The following OSBP2 variants were observed in gnomAD, a reference collection of about 807,000 sequenced individuals.
OSBP2 encodes oxysterol-binding protein 2.
A neutral mutation model predicts 96.0 loss-of-function variants in OSBP2; 66 were observed. That is an observed-to-expected ratio of 0.69 (90% CI 0.56 to 0.84). The LOEUF (loss-of-function observed/expected upper bound fraction) is 0.84, where lower values mean the gene tolerates loss of function less well. Among genes scored for constraint, OSBP2 ranks in the 40% least tolerant of loss-of-function variants. The pLI is 0.00. For synonymous variants in OSBP2, 525 were observed against 520.9 expected (o/e 1.01, Z -0.11); for missense variants, 1,038 against 1,222.7 (o/e 0.85, Z 2.25).
chr22:30,792,738 G>A (rs1156658745), intron 2 of OSBP2, among the ~76,000 whole-genome samples: 1 of 152,160 alleles, frequency 6.6e-6, no homozygotes, highest in Admixed American at 6.5e-5. Flanking sequence ...GTCTCTTCGG[G>A]AGAAAGTGAA....
intron 2 of OSBP2, among the ~76,000 whole-genome samples, chr22:30,867,905 G>A (rs569777727): frequency 1.2e-4 from 18 of 152,262 alleles, no homozygotes; most frequent in South Asian, 1.0e-3. Context: ...GTGTTGAGCC[G>A]GGGGCCATTC....
At chr22:30,869,465 C>T (rs957580786) in intron 2 of OSBP2, among the ~76,000 whole-genome samples, 2 of 152,224 alleles carry the variant, frequency 1.3e-5, no homozygotes, top group Non-Finnish European at 2.9e-5. Flanking sequence ...GAAGGGGAGC[C>T]TCAACTGTGA....
intron 2 of OSBP2, among the ~76,000 whole-genome samples, chr22:30,814,314 CT>C (rs2091052475): frequency 6.6e-6 from 1 of 151,716 alleles, no homozygotes; most frequent in African/African-American, 2.4e-5. Flanking sequence ...TGGATGGCTG[CT>C]TTCTTGCTAT....
chr22:30,756,251 G>T (rs1331100709), intron 2 of OSBP2, among the ~76,000 whole-genome samples: 2 of 152,134 alleles, frequency 1.3e-5, no homozygotes, highest in Non-Finnish European at 2.9e-5. Flanking sequence ...TGGTTGTCTG[G>T]CTTCCTTCAC....
At chr22:30,813,119 G>GT (rs960300201) in intron 2 of OSBP2, among the ~76,000 whole-genome samples, 11 of 135,848 alleles carry the variant, frequency 8.1e-5, no homozygotes. Flanking sequence ...TCAGAGGCTT[G>GT]TTTTTTAGTA....
chr22:30,906,009 C>A lies in OSBP2; in HGVS notation c.2548C>A (p.Leu850Met), dbSNP rs756024625. Residue 850 changes from leucine to methionine, a missense_variant, in exon 13 of 14, where the codon CTG becomes ATG. By Grantham distance (15) the Leu-to-Met change is conservative (BLOSUM62 2). This residue lies in a region of OSBP2 where 737 missense variants were observed against 913.3 expected (regional missense o/e 0.81). Coordinates refer to ENST00000332585, the MANE Select transcript of OSBP2 (RefSeq NM_030758.4). ...GCAGCGGCTGGAGGAGAAGCAGCGC[C>A]TGTCGCGGCGCCGGCGGCTGGAGGC... ...EKQRLEEKQRLSRRRRLEACG... is the reference protein window; with the variant it reads ...EKQRLEEKQRMSRRRRLEACG... The A allele has an allele frequency of 1.3e-5, 21 of 1,585,252 alleles. No homozygotes were observed. The South Asian group carries it at 2.1e-4, about 16-fold the overall frequency.
chr22:30,900,684 G>A (rs2040175019), intron 12 of OSBP2, among the ~76,000 whole-genome samples: 2 of 152,166 alleles, frequency 1.3e-5, no homozygotes, highest in Non-Finnish European at 2.9e-5. Context: ...CTTGTGGGAA[G>A]ATGGAATGGC....
intron 2 of OSBP2, among the ~76,000 whole-genome samples, chr22:30,859,901 G>A (rs1307102846): frequency 6.6e-6 from 1 of 152,094 alleles, no homozygotes; most frequent in Non-Finnish European, 1.5e-5. Flanking sequence ...ACTGGAGAGG[G>A]AGCCCTGGAG....
At chr22:30,866,042 G>C (rs1281140396) in intron 2 of OSBP2, among the ~76,000 whole-genome samples, 1 of 152,212 alleles carries the variant, frequency 6.6e-6, no homozygotes, top group African/African-American at 2.4e-5. Flanking sequence ...GTAATGATCA[G>C]TGCGAGTGAG....
chr22:30,822,601 C>G (rs373182115), intron 2 of OSBP2: 11 of 1,524,868 alleles, frequency 7.2e-6, no homozygotes, highest in South Asian at 1.2e-5. Context: ...TGTAGCGCCC[C>G]GCCGATTGGA....
rs527647251 is a variant in OSBP2 at position 30,815,968 on chromosome 22, G to A, written c.854-54461G>A. 8.5e-5 allele frequency among the ~76,000 whole-genome samples: 13 copies of A among 152,282 alleles called. No individual in the cohort carries two copies. In the East Asian group the frequency reaches 2.5e-3, roughly 29 times the overall value. ...ATTTCCTGAGGGAAAATTCCCAGGAGTCAGATTACTGAGTTAAGGGCTGCA... is the reference window on the plus strand; with the variant it reads ...ATTTCCTGAGGGAAAATTCCCAGGAATCAGATTACTGAGTTAAGGGCTGCA... On this transcript the variant is annotated intron_variant, in intron 2 of 13. Transcript: ENST00000332585.
At chr22:30,875,947 T>C (rs575506093) in intron 3 of OSBP2, among the ~76,000 whole-genome samples, 56 of 152,334 alleles carry the variant, frequency 3.7e-4, no homozygotes, top group African/African-American at 1.3e-3. Flanking sequence ...AGGCATGTGC[T>C]CATCAGTGTG....
At position 30,816,433 on chromosome 22, in the gene OSBP2, C is replaced by A. The variant is rs547457264; in HGVS notation, c.854-53996C>A. ...ATAACTGACATAGCAATAGAATGGG[C>A]CTGAGAAGACGCTGATCTCCTCAGA... On this transcript the variant is annotated intron_variant, in intron 2 of 13. Transcript: ENST00000332585. Among the ~76,000 whole-genome samples, 16 of 152,256 alleles carry A rather than the reference C, an allele frequency of 1.1e-4. No individual in the cohort carries two copies. In the South Asian group the frequency reaches 3.3e-3, roughly 32 times the overall value.
intron 1 of OSBP2, among the ~76,000 whole-genome samples, chr22:30,718,233 C>T (rs2089493754): frequency 6.6e-6 from 1 of 152,106 alleles, no homozygotes; most frequent in Admixed American, 6.6e-5. Flanking sequence ...TTAGAGGATC[C>T]TACAAAGTCC....
chr22:30,736,461 T>C (rs982917948), intron 1 of OSBP2, among the ~76,000 whole-genome samples: 1 of 152,150 alleles, frequency 6.6e-6, no homozygotes, highest in African/African-American at 2.4e-5. Context: ...TTGAGTGACA[T>C]TGGGAATATC....
chr22:30,696,488 C>G (rs1349484051), intron 1 of OSBP2, among the ~76,000 whole-genome samples: 1 of 152,136 alleles, frequency 6.6e-6, no homozygotes, highest in Non-Finnish European at 1.5e-5. Context: ...CTAATAACTT[C>G]CCAGGCGTGG....
intron 2 of OSBP2, among the ~76,000 whole-genome samples, chr22:30,832,616 G>A (rs1018646169): frequency 3.9e-5 from 6 of 152,144 alleles, no homozygotes; most frequent in Admixed American, 6.5e-5. Context: ...GCAGATAGCC[G>A]CTCACAGTTG....
intron 1 of OSBP2, among the ~76,000 whole-genome samples, chr22:30,709,086 C>T (rs937245038): frequency 5.9e-5 from 9 of 151,388 alleles, no homozygotes; most frequent in African/African-American, 1.5e-4. Context: ...ACAACAAGAG[C>T]GAAAACTCCA....
intron 12 of OSBP2, among the ~76,000 whole-genome samples, chr22:30,904,875 C>CTACCCCAA (rs1457350666): frequency 6.6e-6 from 1 of 152,110 alleles, no homozygotes; most frequent in Non-Finnish European, 1.5e-5. Flanking sequence ...GTAGCTGATG[C>CTACCCCAA]CTGTAATCCC....
Sources: gnomAD v4.1 joint callset for allele counts (sites outside exome capture counted in the v4.1 genomes callset) on GRCh38, gnomAD v4.1.1 for gene constraint, gnomAD v4.1.1 regional missense constraint, MANE v1.5 for transcripts, NCBI Gene and HGNC (gene_info 2026-07-23, HGNC 2026-07-21) for gene names.